Variants in ARHGAP8 observed in about 807,000 individuals in gnomAD.
ARHGAP8 encodes rho GTPase-activating protein 8.
ARHGAP8 carries 62 observed loss-of-function variants against 46.1 expected under a neutral mutation model. The observed-to-expected ratio is 1.34, with a 90% CI of 1.10 to 1.66. The LOEUF (loss-of-function observed/expected upper bound fraction) is 1.66. ARHGAP8 is among the 40% of genes most tolerant of loss of function. The pLI, the probability that ARHGAP8 is intolerant of heterozygous loss-of-function variation, is 0.00. For missense variants in ARHGAP8, 923 were observed against 568.4 expected (o/e 1.62, Z -6.34); for synonymous variants, 375 against 243.1 (o/e 1.54, Z -5.05).
chr22:44,803,109 A>G (rs1246641404), intron 3 of ARHGAP8, among the ~76,000 whole-genome samples: 2 of 152,116 alleles, frequency 1.3e-5, no homozygotes, highest in African/African-American at 4.8e-5. Flanking sequence ...AACTGAGGAA[A>G]TCACCCCTGT....
chr22:44,829,116 T>TA (rs1395322288), intron 7 of ARHGAP8, among the ~76,000 whole-genome samples: 20 of 3,404 alleles, frequency 5.9e-3, no homozygotes, highest in African/African-American at 0.017. Flanking sequence ...CTACTAAAAA[T>TA]ACAAAAAAAA....
chr22:44,787,247 C>G (rs1389298944), intron 2 of ARHGAP8, among the ~76,000 whole-genome samples: 2 of 152,176 alleles, frequency 1.3e-5, no homozygotes, highest in Admixed American at 6.5e-5. Flanking sequence ...TCCAAAGCAA[C>G]AAACATCTGC....
intron 1 of ARHGAP8, among the ~76,000 whole-genome samples, chr22:44,774,816 C>T (rs1470409091): frequency 6.6e-6 from 1 of 151,440 alleles, no homozygotes; most frequent in African/African-American, 2.4e-5. Flanking sequence ...GCCACCGTGC[C>T]TGGCCTTTTT....
At chr22:44,813,640 T>G (rs965951138) in intron 4 of ARHGAP8, among the ~76,000 whole-genome samples, 1 of 150,798 alleles carries the variant, frequency 6.6e-6, no homozygotes, top group African/African-American at 2.4e-5. Context: ...TACACACACC[T>G]ACACACACAC....
At chr22:44,807,690 A>T (rs1234377306) in intron 3 of ARHGAP8, among the ~76,000 whole-genome samples, 1 of 152,166 alleles carries the variant, frequency 6.6e-6, no homozygotes, top group Non-Finnish European at 1.5e-5. Flanking sequence ...GTATTCTCTC[A>T]CAGTTCTGGA....
In ARHGAP8 at chr22:44,854,361, G is replaced by A. The variant is rs949457466; in HGVS notation, c.877+5301G>A. 1.0e-4 allele frequency among the ~76,000 whole-genome samples: 15 copies of A among 149,542 alleles called. No individual in the cohort carries two copies. In the Middle Eastern group the frequency reaches 0.01, roughly 105 times the overall value. ...AAGTGATCCATCTGCCTCAGCCTCC[G>A]GAGTAGCTGGGATTACAGGTGTGCG... On this transcript the variant is annotated intron_variant, in intron 10 of 11. Transcript: ENST00000356099.
intron 1 of ARHGAP8, among the ~76,000 whole-genome samples, chr22:44,769,878 G>C (rs985149541): frequency 6.6e-6 from 1 of 152,154 alleles, no homozygotes; most frequent in Admixed American, 6.6e-5. Flanking sequence ...AGAGGCTAGG[G>C]TTTCTCAAGG....
chr22:44,859,923 G>C, intron 11 of ARHGAP8, 89 bp downstream of exon 11: 2 of 1,450,300 alleles, frequency 1.4e-6, no homozygotes, highest in Non-Finnish European at 1.9e-6. Flanking sequence ...TCCTTGCCCT[G>C]GGTCTGGGGT....
chr22:44,825,633 G>C, intron 7 of ARHGAP8, 40 bp downstream of exon 7: 1 of 1,581,334 alleles, frequency 6.3e-7, no homozygotes, highest in South Asian at 1.1e-5. Context: ...ATGCCCTGGA[G>C]CCCTGGGAGC....
intron 9 of ARHGAP8, 90 bp downstream of exon 9, chr22:44,848,140 C>A (rs2070005931): frequency 5.3e-6 from 8 of 1,520,412 alleles, no homozygotes; most frequent in Non-Finnish European, 7.1e-6. Flanking sequence ...GGAAGCACCG[C>A]CCCCGCAACC....
At chr22:44,769,646 A>C (rs1925851238) in intron 1 of ARHGAP8, among the ~76,000 whole-genome samples, 1 of 152,124 alleles carries the variant, frequency 6.6e-6, no homozygotes, top group South Asian at 2.1e-4. Context: ...AATGTTTTGT[A>C]GTTTTCTGTG....
chr22:44,800,056 G>A (rs1035944360), intron 2 of ARHGAP8, among the ~76,000 whole-genome samples: 1 of 144,224 alleles, frequency 6.9e-6, no homozygotes, highest in African/African-American at 2.6e-5. Flanking sequence ...CTGCAGGCAT[G>A]GAGGATGGTC....
intron 11 of ARHGAP8, 85 bp downstream of exon 11, chr22:44,859,919 C>T (rs1442066241): frequency 2.0e-6 from 3 of 1,487,808 alleles, no homozygotes; most frequent in African/African-American, 1.4e-5. Flanking sequence ...CCCCTCCTTG[C>T]CCTGGGTCTG....
At chr22:44,820,482 G>A (rs886494908) in intron 5 of ARHGAP8, among the ~76,000 whole-genome samples, 3 of 152,122 alleles carry the variant, frequency 2.0e-5, no homozygotes, top group Admixed American at 6.5e-5. Context: ...GACACCCTCC[G>A]GCATCCTTCC....
In ARHGAP8 at chr22:44,858,375, T is replaced by G. The variant is rs1445995308; in HGVS notation, c.878-1356T>G. 3.3e-5 allele frequency among the ~76,000 whole-genome samples: 5 copies of G among 151,716 alleles called. No homozygotes were observed. The East Asian group carries it at 9.7e-4, about 29-fold the overall frequency. On this transcript the variant is annotated intron_variant, in intron 10 of 11. Coordinates refer to ENST00000356099, the MANE Select transcript of ARHGAP8 (RefSeq NM_181335.3). Reference sequence around the variant, plus strand: ...TACTTGTTGGTTGGTGGTGGTTTTTTTTTTTTTTTGAGATGGAGTTTCACT... The same window carrying G: ...TACTTGTTGGTTGGTGGTGGTTTTTGTTTTTTTTTGAGATGGAGTTTCACT...
intron 2 of ARHGAP8, among the ~76,000 whole-genome samples, chr22:44,798,472 T>G (rs78469259): frequency 0.078 from 11,860 of 151,844 alleles, 523 homozygotes; most frequent in African/African-American, 0.11. Flanking sequence ...CTTAGCTAAT[T>G]AGATCTGCAG....
intron 11 of ARHGAP8, among the ~76,000 whole-genome samples, 179 bp downstream of exon 11, chr22:44,860,013 C>T (rs2070391072): frequency 9.1e-6 from 1 of 110,434 alleles, no homozygotes; most frequent in African/African-American, 2.9e-5. Flanking sequence ...ACCCATGCTG[C>T]TGCGGACCTC....
intron 3 of ARHGAP8, among the ~76,000 whole-genome samples, chr22:44,806,254 G>A (rs1427850720): frequency 6.6e-6 from 1 of 152,296 alleles, no homozygotes; most frequent in East Asian, 1.9e-4. Context: ...GGATGACCTT[G>A]GTGAAGTATG....
intron 4 of ARHGAP8, among the ~76,000 whole-genome samples, chr22:44,812,039 G>A (rs1256172421): frequency 1.3e-5 from 2 of 151,544 alleles, no homozygotes; most frequent in South Asian, 2.1e-4. Flanking sequence ...GTTTTCAGTC[G>A]GCCATTGCCA....
Sources: gnomAD v4.1 joint callset for allele counts (sites outside exome capture counted in the v4.1 genomes callset) on GRCh38, gnomAD v4.1.1 for gene constraint, MANE v1.5 for transcripts, NCBI Gene and HGNC (gene_info 2026-07-23, HGNC 2026-07-21) for gene names.